VPS41: variants seen among roughly 807,000 people sequenced by gnomAD.
VPS41 encodes VPS41 subunit of HOPS complex, also known as vacuolar protein sorting-associated protein 41 homolog.
In VPS41, 85 loss-of-function variants were observed where a neutral mutation model predicts 130.9. The observed-to-expected ratio is 0.65, with a 90% confidence interval of 0.55 to 0.78. The LOEUF (loss-of-function observed/expected upper bound fraction) is 0.78, where lower values mean the gene tolerates loss of function less well. Ranked by LOEUF, VPS41 falls within the 30% of genes least tolerant of loss-of-function variation. The pLI, the probability that VPS41 is intolerant of heterozygous loss-of-function variation, is 0.00. For missense variants in VPS41, 874 were observed against 1,018.7 expected, an observed-to-expected ratio of 0.86 and a Z score of 1.93; for synonymous variants, 335 against 332.9, an observed-to-expected ratio of 1.01 and a Z score of -0.07.
chr7:38,772,809 T>C (rs1251317875), intron 12 of VPS41, among the ~76,000 whole-genome samples, 172 bp from the exon 13 acceptor site: 2 of 151,962 alleles, frequency 1.3e-5, no homozygotes, highest in Non-Finnish European at 2.9e-5. Flanking sequence ...GGGTAAAGAA[T>C]GACAGAAGCG....
chr7:38,877,239 G>C (rs754323383), intron 2 of VPS41, among the ~76,000 whole-genome samples: 17 of 152,108 alleles, frequency 1.1e-4, no homozygotes, highest in Non-Finnish European at 2.1e-4. Context: ...TTCTCATTTA[G>C]ATTTCCACAC....
At chr7:38,844,513 T>A (rs574649842) in intron 4 of VPS41, among the ~76,000 whole-genome samples, 110 of 152,160 alleles carry the variant, frequency 7.2e-4, no homozygotes, top group Non-Finnish European at 1.3e-3. Context: ...AACTTTAACA[T>A]CTTGGAAATA....
chr7:38,887,829 T>G (rs1024686317), intron 2 of VPS41, among the ~76,000 whole-genome samples: 1 of 152,194 alleles, frequency 6.6e-6, no homozygotes, highest in Non-Finnish European at 1.5e-5. Flanking sequence ...ACAGCAGGTC[T>G]CTCTGCAGAA....
intron 7 of VPS41, among the ~76,000 whole-genome samples, chr7:38,816,121 T>C (rs977975250): frequency 4.6e-5 from 7 of 152,150 alleles, no homozygotes; most frequent in Non-Finnish European, 8.8e-5. Context: ...TAGTTATTTT[T>C]TCAGGAGTGG....
At chr7:38,806,044 A>C (rs935350945) in intron 7 of VPS41, among the ~76,000 whole-genome samples, 1 of 152,238 alleles carries the variant, frequency 6.6e-6, no homozygotes, top group African/African-American at 2.4e-5. Flanking sequence ...GAACTAGCTA[A>C]TAAATAAAAA....
chr7:38,790,499 GAAAA>G (rs919488109), intron 9 of VPS41, among the ~76,000 whole-genome samples: 1 of 146,460 alleles, frequency 6.8e-6, no homozygotes, highest in Non-Finnish European at 1.5e-5. Flanking sequence ...AAATATTCAG[GAAAA>G]AAAAAAATTC....
chr7:38,737,476 T>C (rs1351512864), intron 25 of VPS41, among the ~76,000 whole-genome samples: 2 of 152,134 alleles, frequency 1.3e-5, no homozygotes, highest in African/African-American at 2.4e-5. Context: ...ATGGCAAGCA[T>C]TACCCATGAA....
intron 4 of VPS41, among the ~76,000 whole-genome samples, chr7:38,861,251 G>T (rs1232510660): frequency 6.6e-6 from 1 of 152,164 alleles, no homozygotes; most frequent in Admixed American, 6.6e-5. Flanking sequence ...GACAGAAACA[G>T]AGTGTCAGGG....
At chr7:38,738,855 C>T (rs1795825765) in intron 25 of VPS41, among the ~76,000 whole-genome samples, 1 of 152,194 alleles carries the variant, frequency 6.6e-6, no homozygotes, top group Non-Finnish European at 1.5e-5. Flanking sequence ...TTAAACACTG[C>T]TGATGTAGTT....
chr7:38,845,386 C>A (rs189843653), intron 4 of VPS41, among the ~76,000 whole-genome samples: 56 of 152,300 alleles, frequency 3.7e-4, no homozygotes, highest in African/African-American at 1.3e-3. Flanking sequence ...GCTTACAAAT[C>A]ACTGAAATAC....
In VPS41 at chr7:38,842,722, T is replaced by C. The variant is rs570642551; in HGVS notation, c.247-12394A>G. Among the ~76,000 whole-genome samples the C allele has an allele frequency of 2.3e-3, 358 of 152,342 alleles. 2 individuals carry two copies. Among genetic ancestry groups the C allele is most frequent in the African/African-American group, 8.3e-3 (345 of 41,564 alleles). ...ATGCATAGCCTCTGTCGCCCACCACTTGGCAAATTCCAGCTCTTTCTAAAA... is the reference window on the plus strand; with the variant it reads ...ATGCATAGCCTCTGTCGCCCACCACCTGGCAAATTCCAGCTCTTTCTAAAA... On this transcript the variant is annotated intron_variant, in intron 4 of 28. Transcript: ENST00000310301.
At chr7:38,791,592 T>C (rs913341754) in intron 9 of VPS41, among the ~76,000 whole-genome samples, 23 of 152,042 alleles carry the variant, frequency 1.5e-4, no homozygotes, top group Non-Finnish European at 2.9e-5. Context: ...GACATGTAAG[T>C]TGAAGCAGGA....
In VPS41 at chr7:38,774,186, C is replaced by G. The variant is rs769204470; in HGVS notation, c.941G>C (p.Cys314Ser). The part of the protein sequence containing the change: ...LDIIQPLSET[C>S]EEISSDALTV... The stretch of plus-strand genomic sequence containing the variant: ...CAAAGCATCAGAAGAGATCTCTTCA[C>G]AAGTCTCAGAAAGTGGCTGGATGAT... Residue 314 changes from cysteine to serine, a missense_variant, in exon 12 of 29, where the codon TGT (cysteine) becomes TCT (serine). By Grantham distance (112) the Cys-to-Ser change is moderately radical (BLOSUM62 -1). Transcript: ENST00000310301. 3.7e-6 allele frequency: 6 copies of G among 1,609,544 alleles called. No individual in the cohort carries two copies. In the African/African-American group the frequency reaches 8.0e-5, roughly 22 times the overall value.
chr7:38,788,358 T>C (rs567723427), intron 10 of VPS41, among the ~76,000 whole-genome samples: 3 of 152,174 alleles, frequency 2.0e-5, no homozygotes, highest in Non-Finnish European at 4.4e-5. Context: ...CTCCTAAGCC[T>C]CAATTTCTTC....
In VPS41 at chr7:38,877,408, A is replaced by G. The variant is rs376582216; in HGVS notation, c.61-8155T>C. Among the ~76,000 whole-genome samples, 4 of 152,240 alleles carry G rather than the reference A, an allele frequency of 2.6e-5. 1 individual carries two copies. Among genetic ancestry groups the G allele is most frequent in the East Asian group, 1.9e-4 (1 of 5,172 alleles). On this transcript the variant is annotated intron_variant, in intron 2 of 28. Transcript: ENST00000310301. ...GGCTGGCAATTTTGAAATACCATAA[A>G]CTAGAATTATAGATAAATTTATAGA... is the stretch of plus-strand genomic sequence containing the variant.
At chr7:38,745,675 A>T (rs1795972879) in intron 22 of VPS41, 62 bp from the exon 23 acceptor site, 1 of 1,268,936 alleles carries the variant, frequency 7.9e-7, no homozygotes, top group South Asian at 1.3e-5. Context: ...AACAGTAATA[A>T]AGTCATTTAA....
At chr7:38,819,111 T>G (rs1785116199) in intron 6 of VPS41, among the ~76,000 whole-genome samples, 1 of 152,216 alleles carries the variant, frequency 6.6e-6, no homozygotes, top group Admixed American at 6.5e-5. Context: ...AAACATCTCC[T>G]CTGCTCCTCA....
intron 11 of VPS41, among the ~76,000 whole-genome samples, chr7:38,776,143 A>T (rs1026565159): frequency 6.6e-6 from 1 of 152,210 alleles, no homozygotes; most frequent in Admixed American, 6.5e-5. Context: ...GCTGCTTTTT[A>T]TTAGCCACAG....
chr7:38,870,894 T>C (rs1786343297), intron 2 of VPS41, among the ~76,000 whole-genome samples: 2 of 147,182 alleles, frequency 1.4e-5, no homozygotes, highest in South Asian at 4.2e-4. Flanking sequence ...AGTCAATAGA[T>C]GGTTTAATAT....
Sources: allele counts gnomAD v4.1 joint callset (sites outside exome capture counted in the v4.1 genomes callset), GRCh38; gene constraint gnomAD v4.1.1; transcripts MANE v1.5; gene names NCBI Gene and HGNC (gene_info 2026-07-23, HGNC 2026-07-21).